The following ATP11B variants were observed in gnomAD, a reference collection of about 807,000 sequenced individuals.
ATP11B encodes the protein phospholipid-transporting ATPase IF.
In ATP11B, 81 loss-of-function variants were observed where a neutral mutation model predicts 157.8. The observed-to-expected ratio is 0.51, with a 90% confidence interval of 0.43 to 0.62. The LOEUF (loss-of-function observed/expected upper bound fraction) is 0.62, where lower values mean the gene tolerates loss of function less well. ATP11B is among the 20% of genes least tolerant of loss of function. The pLI is 0.00. For synonymous variants in ATP11B, 451 were observed against 469.4 expected, an observed-to-expected ratio of 0.96 and a Z score of 0.51; for missense variants, 1,165 against 1,402.2, an observed-to-expected ratio of 0.83 and a Z score of 2.70.
chr3:182,857,889 C>A lies in ATP11B; in HGVS notation c.863C>A (p.Thr288Lys). The A allele has an allele frequency of 6.6e-7, 1 of 1,513,608 alleles. No individual in the cohort carries two copies. Among genetic ancestry groups the A allele is most frequent in the South Asian group, 1.2e-5 (1 of 86,798 alleles). The allele number at this position is 1,513,608 out of a possible 1,614,324, so 93.8% of individuals were successfully genotyped here. Residue 288 changes from threonine (T) to lysine (K), a missense_variant, in exon 11 of 30, where the codon ACA becomes AAA. Thr to Lys is a moderately conservative substitution (Grantham distance 78, BLOSUM62 -1). This residue lies in a region of ATP11B where 737 missense variants were observed against 930.5 expected (regional missense o/e 0.79). Transcript: ENST00000323116. Reference protein sequence around the residue: ...KRSAVEKSMNTFLIIYLVILI... With the variant: ...KRSAVEKSMNKFLIIYLVILI... ...TTTTCTTCCTTAAGGTCAATGAATA[C>A]ATTTTTGATAATTTATCTAGTAATT...
chr3:182,810,142 G>A (rs942130177), intron 1 of ATP11B, among the ~76,000 whole-genome samples: 1 of 152,074 alleles, frequency 6.6e-6, no homozygotes, highest in African/African-American at 2.4e-5. Flanking sequence ...GACCAGCCTG[G>A]CCAACACGGT....
At chr3:182,915,237 A>G (rs1302666813) in intron 29 of ATP11B, 15 of 985,238 alleles carry the variant, frequency 1.5e-5, no homozygotes, top group African/African-American at 3.5e-5. Flanking sequence ...TATAAATAGC[A>G]TTCTTATGTT....
chr3:182,813,242 A>T (rs1204907130), intron 1 of ATP11B, among the ~76,000 whole-genome samples: 1 of 152,188 alleles, frequency 6.6e-6, no homozygotes, highest in African/African-American at 2.4e-5. Context: ...CAGAAGTAGA[A>T]TTGCTGGATC....
Position 182,837,124 on chromosome 3 carries a change from C to T in ATP11B, c.606C>T (p.Asp202=). 1 of 1,613,410 alleles carries T rather than the reference C, an allele frequency of 6.2e-7. No homozygotes were observed. The highest frequency in any genetic ancestry group is 8.5e-7 in the Non-Finnish European group (1 of 1,179,592). Residue 202 remains aspartate, a synonymous_variant, in exon 7 of 30, where the codon GAC becomes GAT. Coordinates refer to ENST00000323116, the MANE Select transcript of ATP11B (RefSeq NM_014616.3). ...TATTACAAACAGTTGCCAATTTGGA[C>T]ACTCTAGTAGCTGTAATAGAATGCC... ...TALLQTVANL[D]TLVAVIECQQ... is the part of the protein sequence containing the mutation.
At chr3:182,847,741 A>AT (rs1273476202) in intron 9 of ATP11B, among the ~76,000 whole-genome samples, 3 of 152,170 alleles carry the variant, frequency 2.0e-5, no homozygotes, top group African/African-American at 7.2e-5. Flanking sequence ...TCTATGAGGT[A>AT]TTTTTTCCCA....
chr3:182,914,043 G>A lies in ATP11B; in HGVS notation c.3452+49G>A, dbSNP rs535061356. ...TTTGCTGCAGATGAGTATCCTATCTGGAACAGGATGAACCTGCCGCTCTAG... is the reference window on the plus strand; with the variant it reads ...TTTGCTGCAGATGAGTATCCTATCTAGAACAGGATGAACCTGCCGCTCTAG... On this transcript the variant is annotated intron_variant, in intron 29 of 29. Coordinates refer to ENST00000323116, the MANE Select transcript of ATP11B (RefSeq NM_014616.3). The A allele has an allele frequency of 8.1e-6, 13 of 1,606,802 alleles. No homozygotes were observed. The Admixed American group carries it at 2.1e-4, about 25-fold the overall frequency.
At position 182,920,933 on chromosome 3, in the gene ATP11B, CAG is replaced by C. The variant is rs1396876373; in HGVS notation, c.*2832_*2833del. On this transcript the variant is annotated 3_prime_UTR_variant, in exon 30 of 30. Coordinates refer to ENST00000323116, the MANE Select transcript of ATP11B (RefSeq NM_014616.3). ...GCCCTATCCTGAACAGGAGACTAAA[CAG>C]AGGCAAATCAACCCTAGGAAATACT... 2.0e-5 allele frequency: 3 copies of C among 152,250 alleles called. No homozygotes were observed. The highest frequency in any genetic ancestry group is 4.4e-5 in the Non-Finnish European group (3 of 68,072). 9.4% of individuals were successfully genotyped at this position (152,250 alleles called of 1,614,324 possible).
intron 5 of ATP11B, 30 bp downstream of exon 5, chr3:182,836,172 C>A (rs1192231824): frequency 6.3e-7 from 1 of 1,589,060 alleles, no homozygotes; most frequent in Non-Finnish European, 8.6e-7. Context: ...TGGAAATCAA[C>A]TTTATCTTGA....
At chr3:182,845,246 A>G (rs1281420394) in intron 8 of ATP11B, among the ~76,000 whole-genome samples, 5 of 152,020 alleles carry the variant, frequency 3.3e-5, no homozygotes, top group Admixed American at 1.3e-4. Flanking sequence ...AGCTCAGGCA[A>G]TCCACCCGCC....
intron 11 of ATP11B, 135 bp downstream of exon 11, chr3:182,858,163 A>T (rs536058857): frequency 2.7e-6 from 2 of 735,804 alleles, no homozygotes; most frequent in African/African-American, 3.5e-5. Context: ...CAGAAATGGC[A>T]TTGCAAATGC....
chr3:182,880,709 A>G (rs527816623), intron 20 of ATP11B, among the ~76,000 whole-genome samples, 170 bp from the exon 21 acceptor site: 2 of 152,176 alleles, frequency 1.3e-5, no homozygotes, highest in Non-Finnish European at 2.9e-5. Flanking sequence ...ACATCTCTAA[A>G]ATCTTAATGG....
chr3:182,832,764 T>C (rs1296827058), intron 4 of ATP11B, among the ~76,000 whole-genome samples: 2 of 152,162 alleles, frequency 1.3e-5, no homozygotes, highest in East Asian at 1.9e-4. Context: ...GGAAATAAGA[T>C]AGTCTTTGCC....
intron 25 of ATP11B, among the ~76,000 whole-genome samples, chr3:182,895,214 C>T (rs746161001): frequency 1.3e-5 from 2 of 151,232 alleles, no homozygotes; most frequent in African/African-American, 4.9e-5. Context: ...ACCCACTGAT[C>T]ATCGGTATTT....
chr3:182,856,114 A>G (rs1051021130), intron 10 of ATP11B, among the ~76,000 whole-genome samples: 2 of 152,196 alleles, frequency 1.3e-5, no homozygotes, highest in Non-Finnish European at 2.9e-5. Flanking sequence ...TTACAGCAAA[A>G]AACTGGAAAC....
intron 25 of ATP11B, among the ~76,000 whole-genome samples, chr3:182,890,157 T>C (rs918574356): frequency 1.3e-5 from 2 of 152,012 alleles, no homozygotes; most frequent in Admixed American, 1.3e-4. Flanking sequence ...CACTGTGTTC[T>C]GATTGGAGTG....
intron 1 of ATP11B, among the ~76,000 whole-genome samples, chr3:182,814,614 C>A (rs995787799): frequency 3.3e-5 from 5 of 151,910 alleles, no homozygotes; most frequent in Non-Finnish European, 7.4e-5. Context: ...TTGGGACCAG[C>A]CTGGGCAACA....
At chr3:182,806,704 CT>C (rs915474030) in intron 1 of ATP11B, among the ~76,000 whole-genome samples, 70 of 152,238 alleles carry the variant, frequency 4.6e-4, no homozygotes, top group African/African-American at 1.7e-3. Flanking sequence ...TCTGTCTGCT[CT>C]TTCTGCATAT....
At chr3:182,905,452 G>T (rs1056660203) in intron 28 of ATP11B, among the ~76,000 whole-genome samples, 9 of 152,204 alleles carry the variant, frequency 5.9e-5, no homozygotes, top group Admixed American at 5.9e-4. Flanking sequence ...GGAAAGGTGA[G>T]AAATTGGACA....
Position 182,884,867 on chromosome 3 carries a change from T to C in ATP11B, c.2624T>C (p.Ile875Thr). 9 of 1,523,356 alleles carry C rather than the reference T, an allele frequency of 5.9e-6. No individual in the cohort carries two copies. Among genetic ancestry groups the C allele is most frequent in the Non-Finnish European group, 8.1e-6 (9 of 1,107,964 alleles). The allele number at this position is 1,523,356 out of a possible 1,614,324, so 94.4% of individuals were successfully genotyped here. ...FVHGHFYYIR[I>T]ATLVQYFFYK... Reference sequence around the variant, plus strand: ...CATGGTCATTTTTATTATATTAGAATAGCTACCCTTGTACAGTATTTTTTT... The same window carrying C: ...CATGGTCATTTTTATTATATTAGAACAGCTACCCTTGTACAGTATTTTTTT... The change falls in exon 22 of 30, where the codon ATA becomes ACA. Residue 875 changes from isoleucine to threonine, a missense_variant. Around this residue, in one of 4 missense-constraint regions of ATP11B, gnomAD observed 737 missense variants for 930.5 expected, o/e 0.79. Coordinates refer to ENST00000323116, the MANE Select transcript of ATP11B (RefSeq NM_014616.3).
Sources: allele counts gnomAD v4.1 joint callset (sites outside exome capture counted in the v4.1 genomes callset), GRCh38; gene constraint gnomAD v4.1.1; regional missense constraint gnomAD v4.1.1; transcripts MANE v1.5; gene names NCBI Gene and HGNC (gene_info 2026-07-23, HGNC 2026-07-21).